ANO2: variants seen among roughly 807,000 people sequenced by gnomAD.
ANO2 encodes the protein anoctamin 2.
A neutral mutation model predicts 124.2 loss-of-function variants in ANO2; 101 were observed. That is an observed-to-expected ratio of 0.81 (90% CI 0.69 to 0.96). The LOEUF (loss-of-function observed/expected upper bound fraction) is 0.96. Among genes scored for constraint, ANO2 ranks in the 40% least tolerant of loss-of-function variants. The probability of loss-of-function intolerance (pLI) is 0.00; values close to 1 mark genes in which losing one functional copy is unlikely to be tolerated. For missense variants in ANO2, 1,293 were observed against 1,274.5 expected, an observed-to-expected ratio of 1.01 and a Z score of -0.22; for synonymous variants, 486 against 482.5, an observed-to-expected ratio of 1.01 and a Z score of -0.09.
At chr12:5,612,113 T>G (rs754771599) in intron 19 of ANO2, among the ~76,000 whole-genome samples, 3 of 152,232 alleles carry the variant, frequency 2.0e-5, no homozygotes, top group Admixed American at 6.5e-5. Flanking sequence ...GTGTTTATTT[T>G]CATGACTATC....
chr12:5,851,955 A>G (rs547763294), intron 4 of ANO2: 8 of 741,730 alleles, frequency 1.1e-5, no homozygotes, highest in Non-Finnish European at 1.7e-5. Flanking sequence ...AGTTTTGCTC[A>G]CCTCCTTTCC....
At position 5,769,726 on chromosome 12, in the gene ANO2, G is replaced by A. The variant is rs755581352; in HGVS notation, c.1056-18756C>T. 5.9e-5 allele frequency among the ~76,000 whole-genome samples: 9 copies of A among 152,152 alleles called. No individual in the cohort carries two copies. The highest frequency in any genetic ancestry group is 3.3e-4 in the Admixed American group (5 of 15,276). The stretch of plus-strand genomic sequence containing the variant: ...AAATAAAATCGCTCCATTTCTGCGT[G>A]CACCCTTCATTCTAGGTACTCTGCT... On this transcript the variant is annotated intron_variant, in intron 10 of 24. Transcript: ENST00000682330. This position sits in a 1 kb window ranked among gnomAD's most constrained non-coding sequence, Gnocchi z 4.0.
At chr12:5,613,225 G>C (rs1047207510) in intron 17 of ANO2, among the ~76,000 whole-genome samples, 1 of 152,098 alleles carries the variant, frequency 6.6e-6, no homozygotes, top group Non-Finnish European at 1.5e-5. Context: ...GTGTGTGTGC[G>C]TGTATGTGTG....
At position 5,881,049 on chromosome 12, in the gene ANO2, G is replaced by C. The variant is rs1344467487; in HGVS notation, c.535-26908C>G. ...TGATTCTTTCCAGAACCAGAGCAAT[G>C]GACAAAGATGACCTCAGAGCATCCC... On this transcript the variant is annotated intron_variant, in intron 3 of 24. Coordinates refer to ENST00000682330, the MANE Select transcript of ANO2 (RefSeq NM_001364791.2). 2.0e-5 allele frequency among the ~76,000 whole-genome samples: 3 copies of C among 152,166 alleles called. No homozygotes were observed. The East Asian group carries it at 5.8e-4, about 29-fold the overall frequency.
intron 20 of ANO2, among the ~76,000 whole-genome samples, chr12:5,579,299 A>C (rs919806458): frequency 6.6e-6 from 1 of 152,182 alleles, no homozygotes; most frequent in Non-Finnish European, 1.5e-5. Flanking sequence ...GCCAAGAGAG[A>C]ATAAAGAATG....
chr12:5,590,473 T>A (rs1434791816), intron 20 of ANO2, among the ~76,000 whole-genome samples: 1 of 152,116 alleles, frequency 6.6e-6, no homozygotes, highest in Non-Finnish European at 1.5e-5. Context: ...CAGAAAACAG[T>A]CAAGGGTATG....
At chr12:5,849,012 T>C (rs779134044) in intron 4 of ANO2, among the ~76,000 whole-genome samples, 1 of 152,212 alleles carries the variant, frequency 6.6e-6, no homozygotes, top group Non-Finnish European at 1.5e-5. Flanking sequence ...GTTTTGGAGA[T>C]GCATGGAGCT....
At chr12:5,739,194 A>G in intron 13 of ANO2, 123 bp downstream of exon 13, 1 of 950,014 alleles carries the variant, frequency 1.1e-6, no homozygotes, top group Admixed American at 2.0e-5. Context: ...ACAGGCAGCC[A>G]CTGTGAGATC....
chr12:5,885,171 C>A (rs1443221268), intron 3 of ANO2, among the ~76,000 whole-genome samples: 1 of 152,214 alleles, frequency 6.6e-6, no homozygotes, highest in Non-Finnish European at 1.5e-5. Flanking sequence ...CCCGTCCCCA[C>A]TCCTGGGGTC....
At chr12:5,691,083 A>C (rs1948917441) in intron 14 of ANO2, among the ~76,000 whole-genome samples, 1 of 152,104 alleles carries the variant, frequency 6.6e-6, no homozygotes, top group Non-Finnish European at 1.5e-5. Flanking sequence ...TAATCCCAGC[A>C]CTTTGGGAGG....
chr12:5,667,578 G>T (rs1947791144), intron 14 of ANO2, among the ~76,000 whole-genome samples: 1 of 152,138 alleles, frequency 6.6e-6, no homozygotes, highest in Admixed American at 6.5e-5. Context: ...GGGTACATGT[G>T]GAGGACGTGC....
At chr12:5,780,192 C>T (rs1055271867) in intron 10 of ANO2, among the ~76,000 whole-genome samples, 4 of 152,098 alleles carry the variant, frequency 2.6e-5, no homozygotes, top group African/African-American at 7.2e-5. Flanking sequence ...TATTAATATA[C>T]CTCTATGCAT....
intron 14 of ANO2, among the ~76,000 whole-genome samples, chr12:5,688,993 AAG>A (rs1227474087): frequency 6.6e-6 from 1 of 152,136 alleles, no homozygotes; most frequent in Non-Finnish European, 1.5e-5. Context: ...GGAATGAGGA[AAG>A]AGAAGGTGAA....
chr12:5,622,841 A>G (rs890252595), intron 16 of ANO2, among the ~76,000 whole-genome samples: 1 of 151,926 alleles, frequency 6.6e-6, no homozygotes, highest in Non-Finnish European at 1.5e-5. Flanking sequence ...GTATGCAGCT[A>G]CAATCCCAGC....
At position 5,925,634 on chromosome 12, in the gene ANO2, A is replaced by G. The variant is rs751438809; in HGVS notation, c.23-2830T>C. On this transcript the variant is annotated intron_variant, in intron 1 of 24. Transcript: ENST00000682330. This position sits in a 1 kb window ranked among gnomAD's most constrained non-coding sequence, Gnocchi z 4.6. ...CTCCCTAAGAAGCTTAGAAGAGGTGAATGAGGTCAATTAGAAGGAAAGGCC... is the reference window on the plus strand; with the variant it reads ...CTCCCTAAGAAGCTTAGAAGAGGTGGATGAGGTCAATTAGAAGGAAAGGCC... Among the ~76,000 whole-genome samples, 11 of 152,216 alleles carry G rather than the reference A, an allele frequency of 7.2e-5. No homozygotes were observed. Among genetic ancestry groups the G allele is most frequent in the Non-Finnish European group, 1.6e-4 (11 of 68,040 alleles).
intron 3 of ANO2, among the ~76,000 whole-genome samples, chr12:5,898,538 G>T (rs1479339950): frequency 1.3e-5 from 2 of 152,208 alleles, no homozygotes; most frequent in Non-Finnish European, 2.9e-5. Context: ...TTCAAACGAT[G>T]AAATACTATC....
At chr12:5,885,446 A>G (rs1293737226) in intron 3 of ANO2, among the ~76,000 whole-genome samples, 5 of 152,248 alleles carry the variant, frequency 3.3e-5, no homozygotes, top group Admixed American at 3.3e-4. Flanking sequence ...TAACAATAAT[A>G]ACTCACTTTA....
At chr12:5,872,732 T>A (rs1937788430) in intron 3 of ANO2, among the ~76,000 whole-genome samples, 1 of 152,140 alleles carries the variant, frequency 6.6e-6, no homozygotes, top group South Asian at 2.1e-4. Flanking sequence ...ATAGTCCTTT[T>A]TCTAGGAAAA....
chr12:5,752,528 GTC>G (rs1262184967), intron 10 of ANO2, among the ~76,000 whole-genome samples: 1 of 152,030 alleles, frequency 6.6e-6, no homozygotes, highest in African/African-American at 2.4e-5. Context: ...GTCTATTTAG[GTC>G]CTTTACTTAA....
Sources: gnomAD v4.1 joint callset for allele counts (sites outside exome capture counted in the v4.1 genomes callset) on GRCh38, gnomAD v4.1.1 for gene constraint, Gnocchi (gnomAD v3.1) non-coding constraint, MANE v1.5 for transcripts, NCBI Gene and HGNC (gene_info 2026-07-23, HGNC 2026-07-21) for gene names.